Variants in KIAA0586 observed in about 807,000 individuals in gnomAD.
KIAA0586 encodes KIAA0586, also known as protein TALPID3.
Under a neutral mutation model 169.8 loss-of-function variants are expected in KIAA0586, and 144 were observed. The ratio of observed to expected loss-of-function variants is 0.85; its 90% CI spans 0.74 to 0.97. KIAA0586 has a LOEUF of 0.97. Among genes scored for constraint, KIAA0586 ranks in the 50% least tolerant of loss-of-function variants. The pLI, the probability that KIAA0586 is intolerant of heterozygous loss-of-function variation, is 0.00. For synonymous variants in KIAA0586, 625 were observed against 612.4 expected (o/e 1.02, Z -0.30); for missense variants, 1,854 against 1,823.0 (o/e 1.02, Z -0.31).
At chr14:58,526,818 A>G (rs1030321423) in intron 29 of KIAA0586, among the ~76,000 whole-genome samples, 2 of 152,152 alleles carry the variant, frequency 1.3e-5, no homozygotes, top group Non-Finnish European at 2.9e-5. Flanking sequence ...GGAAAGGACT[A>G]CAGAAAGCTG....
chr14:58,555,695 C>T (rs1255303097), downstream of KIAA0586, among the ~76,000 whole-genome samples: 1 of 152,136 alleles, frequency 6.6e-6, no homozygotes, highest in Non-Finnish European at 1.5e-5. Flanking sequence ...GTCAAGTTAG[C>T]ATCCATTTGA....
intron 14 of KIAA0586, 37 bp from the exon 15 acceptor site, chr14:58,465,798 A>G: frequency 1.5e-6 from 2 of 1,291,620 alleles, no homozygotes; most frequent in Non-Finnish European, 1.1e-6. Context: ...ATATTCTAAC[A>G]ATATTTTAAA....
At chr14:58,506,254 ATTAG>A (rs924168067) in intron 27 of KIAA0586, among the ~76,000 whole-genome samples, 18 of 152,218 alleles carry the variant, frequency 1.2e-4, no homozygotes, top group African/African-American at 3.4e-4. Flanking sequence ...AGCCTGAAAC[ATTAG>A]TTACTCTAAA....
chr14:58,444,176 G>A lies in KIAA0586; in HGVS notation c.807+1G>A, dbSNP rs1159793989. 1 of 1,578,552 alleles carries A rather than the reference G, an allele frequency of 6.3e-7. No individual in the cohort carries two copies. Among genetic ancestry groups the A allele is most frequent in the South Asian group, 1.1e-5 (1 of 89,662 alleles). Reference sequence around the variant, plus strand: ...ACAACAACAACAAATAGATATTCAGGTATCTGTAATAAATCCAGTACAGAT... The same window carrying A: ...ACAACAACAACAAATAGATATTCAGATATCTGTAATAAATCCAGTACAGAT... On this transcript the variant is annotated splice_donor_variant, in intron 6 of 30. Coordinates refer to ENST00000652326, the MANE Select transcript of KIAA0586 (RefSeq NM_001329943.3). LOFTEE classifies it high-confidence loss of function.
At chr14:58,438,473 G>C (rs961912323) in intron 4 of KIAA0586, among the ~76,000 whole-genome samples, 1 of 152,034 alleles carries the variant, frequency 6.6e-6, no homozygotes, top group Admixed American at 6.6e-5. Context: ...CTAACCCTTT[G>C]TTACTTGCTG....
intron 29 of KIAA0586, among the ~76,000 whole-genome samples, chr14:58,517,639 T>G (rs1233585091): frequency 6.6e-6 from 1 of 152,216 alleles, no homozygotes; most frequent in East Asian, 1.9e-4. Flanking sequence ...TCAAGATAAA[T>G]GAAAACTTAT....
chr14:58,427,456 G>A, upstream of KIAA0586: 1 of 764,708 alleles, frequency 1.3e-6, no homozygotes, highest in South Asian at 1.7e-5. Context: ...GTAAACACAA[G>A]TAGTATTACA....
At chr14:58,512,411 A>G in intron 28 of KIAA0586, 111 bp from the exon 29 acceptor site, 4 of 592,726 alleles carry the variant, frequency 6.7e-6, no homozygotes, top group Non-Finnish European at 1.1e-5. Flanking sequence ...AAAAGCAACT[A>G]GAAAGCAAGC....
chr14:58,527,511 C>A (rs542930204), intron 29 of KIAA0586, among the ~76,000 whole-genome samples: 5 of 152,154 alleles, frequency 3.3e-5, no homozygotes, highest in African/African-American at 1.2e-4. Flanking sequence ...GCTCTCTCTG[C>A]GGAAACCCTA....
In KIAA0586 at chr14:58,488,056, A is replaced by G. The variant is rs759687892; in HGVS notation, c.3474A>G (p.Pro1158=). Residue 1158 remains proline, a synonymous_variant, in exon 23 of 31, where the codon CCA becomes CCG. Coordinates refer to ENST00000652326, the MANE Select transcript of KIAA0586 (RefSeq NM_001329943.3). ...LPKPWGDGDL[P]LEEENPNSPQ... is the part of the protein sequence containing the mutation. ...AGCCATGGGGTGATGGAGACCTGCC[A>G]CTGGAAGAAGAGAACCCTAACTCAC... The G allele has an allele frequency of 1.2e-6, 2 of 1,610,572 alleles. No homozygotes were observed. Among genetic ancestry groups the G allele is most frequent in the East Asian group, 2.2e-5 (1 of 44,730 alleles).
rs2044465990 is a variant in KIAA0586 at position 58,512,574 on chromosome 14, A to G, written c.4376A>G (p.Gln1459Arg). 6.5e-7 allele frequency: 1 copy of G among 1,546,782 alleles called. No homozygotes were observed. Among genetic ancestry groups the G allele is most frequent in the Non-Finnish European group, 8.7e-7 (1 of 1,154,908 alleles). ...AAGCAAGTTGAACACAAACCATCAC[A>G]AAGTTACCTACGTGTTAGAAATAAA... ...DVKQVEHKPSQSYLRVRNKSD... is the reference protein window; with the variant it reads ...DVKQVEHKPSRSYLRVRNKSD... The change falls in exon 29 of 31, where the codon CAA becomes CGA. Residue 1459 changes from glutamine to arginine, a missense_variant. By Grantham distance (43) the Gln-to-Arg change is conservative. Coordinates refer to ENST00000652326, the MANE Select transcript of KIAA0586 (RefSeq NM_001329943.3).
chr14:58,548,736 C>A lies in KIAA0586; in HGVS notation c.*804C>A, dbSNP rs1351885864. On this transcript the variant is annotated 3_prime_UTR_variant, in exon 31 of 31. Coordinates refer to ENST00000652326, the MANE Select transcript of KIAA0586 (RefSeq NM_001329943.3). ...TATGCCTTATGTATACCATATAAAC[C>A]TTTATAAACCTGTGAAACATGTAAC... The A allele has an allele frequency of 6.6e-6, 1 of 152,028 alleles. No homozygotes were observed. The highest frequency in any genetic ancestry group is 2.4e-5 in the African/African-American group (1 of 41,388). The allele number at this position is 152,028 out of a possible 1,614,324, so 9.4% of individuals were successfully genotyped here.
intron 30 of KIAA0586, among the ~76,000 whole-genome samples, chr14:58,545,636 CTCAGTTATTTTGTGTAT>C (rs1342791143): frequency 1.3e-5 from 2 of 152,048 alleles, no homozygotes; most frequent in Non-Finnish European, 2.9e-5. Flanking sequence ...GGCTGCTTCC[CTCAGTTATTTTGTGTAT>C]TCTGCATCAT....
chr14:58,484,697 G>A (rs899221244), intron 21 of KIAA0586, among the ~76,000 whole-genome samples: 5 of 149,728 alleles, frequency 3.3e-5, no homozygotes, highest in African/African-American at 1.2e-4. Context: ...AAGACATAGT[G>A]TACTTCTTTC....
rs148059352 is a variant in KIAA0586, at chr14:58,444,496, T to C, written c.807+321T>C. 6.9e-3 allele frequency among the ~76,000 whole-genome samples: 1,044 copies of C among 152,240 alleles called. 11 individuals are homozygous for C. Among genetic ancestry groups the C allele is most frequent in the African/African-American group, 0.02 (847 of 41,538 alleles). On this transcript the variant is annotated intron_variant, in intron 6 of 30. Transcript: ENST00000652326. ...TGAAGTACAGTAGTAGAATCTCCAG[T>C]CACTACAACCTCCACCTCCTGGGTT...
intron 14 of KIAA0586, among the ~76,000 whole-genome samples, chr14:58,464,344 T>G (rs375793543): frequency 1.4e-4 from 22 of 151,980 alleles, no homozygotes; most frequent in Non-Finnish European, 2.9e-5. Context: ...GTTTCTTGAA[T>G]GTGGTATCTT....
intron 4 of KIAA0586, among the ~76,000 whole-genome samples, chr14:58,440,639 G>A (rs746113655): frequency 1.3e-5 from 2 of 152,190 alleles, no homozygotes; most frequent in Non-Finnish European, 2.9e-5. Context: ...GCCTACCTGA[G>A]TGATATTTGT....
At chr14:58,459,083 A>G (rs2040112429) in intron 12 of KIAA0586, among the ~76,000 whole-genome samples, 1 of 152,132 alleles carries the variant, frequency 6.6e-6, no homozygotes, top group Non-Finnish European at 1.5e-5. Flanking sequence ...AAAATTTTAT[A>G]TATTTGAGTG....
At chr14:58,499,646 C>CCTCCTGGGTTCAAGCTATT (rs1231667250) in intron 27 of KIAA0586, among the ~76,000 whole-genome samples, 1 of 152,002 alleles carries the variant, frequency 6.6e-6, no homozygotes, top group African/African-American at 2.4e-5. Context: ...GCAACCCCTG[C>CCTCCTGGGTTCAAGCTATT]CTCCTGGGTT....
Sources: allele counts gnomAD v4.1 joint callset (sites outside exome capture counted in the v4.1 genomes callset), GRCh38; gene constraint gnomAD v4.1.1; transcripts MANE v1.5; gene names NCBI Gene and HGNC (gene_info 2026-07-23, HGNC 2026-07-21).